The following FRMD7 variants were observed in gnomAD, a reference collection of about 807,000 sequenced individuals.
FRMD7 encodes FERM domain containing 7, also known as FERM domain-containing protein 7.
A neutral mutation model predicts 44.1 loss-of-function variants in FRMD7; 14 were observed. The observed-to-expected ratio is 0.32, with a 90% CI of 0.21 to 0.50. The LOEUF is 0.50. Ranked by LOEUF, FRMD7 falls within the 20% of genes least tolerant of loss-of-function variation. The probability of loss-of-function intolerance (pLI) is 0.99; values close to 1 mark genes in which losing one functional copy is unlikely to be tolerated. For missense variants in FRMD7, 501 were observed against 522.3 expected, an observed-to-expected ratio of 0.96 and a Z score of 0.40; for synonymous variants, 212 against 187.4, an observed-to-expected ratio of 1.13 and a Z score of -1.07.
chrX:132,103,139 G>C (rs1928549159), intron 1 of FRMD7, among the ~76,000 whole-genome samples: 1 of 111,942 alleles, frequency 8.9e-6, no homozygotes, highest in Non-Finnish European at 1.9e-5. Flanking sequence ...AAATTGGCCA[G>C]CTTTGTGGAA....
Position 132,082,397 on chromosome X carries a change from G to C in FRMD7, c.871C>G (p.Leu291Val). The part of the protein sequence containing the change: ...SEEPKSKPKT[L>V]LCSKGSSFRY... ...AAACTGGAACCCTTGCTGCAGAGTAGGGTTTTGGGCTTTGATTTGGGCTCT... is the reference window on the plus strand; with the variant it reads ...AAACTGGAACCCTTGCTGCAGAGTACGGTTTTGGGCTTTGATTTGGGCTCT... Residue 291 changes from leucine to valine, a missense_variant, in exon 9 of 12, where the codon CTA becomes GTA. Around this residue, in one of 3 missense-constraint regions of FRMD7, gnomAD observed 453 missense variants for 452.7 expected, o/e 1.00. Transcript: ENST00000298542. 8.3e-6 allele frequency: 10 copies of C among 1,210,777 alleles called. No individual in the cohort carries two copies. The highest frequency in any genetic ancestry group is 5.3e-5 in the South Asian group (3 of 56,966).
intron 1 of FRMD7, among the ~76,000 whole-genome samples, chrX:132,109,223 A>G (rs1173472360): frequency 8.9e-6 from 1 of 111,875 alleles, no homozygotes; most frequent in Non-Finnish European, 1.9e-5. Context: ...ACATTTTCAT[A>G]GGTAAGTCTC....
At position 132,100,593 on chromosome X, in the gene FRMD7, T is replaced by C; in HGVS notation, c.162+19A>G. The C allele has an allele frequency of 9.3e-7, 1 of 1,073,836 alleles. No homozygotes were observed. Among genetic ancestry groups the C allele is most frequent in the South Asian group, 1.8e-5 (1 of 54,232 alleles). 88.5% of individuals were successfully genotyped at this position (1,073,836 alleles called of 1,213,427 possible). On this transcript the variant is annotated intron_variant, in intron 2 of 11. Coordinates refer to ENST00000298542, the MANE Select transcript of FRMD7 (RefSeq NM_194277.3). The stretch of plus-strand genomic sequence containing the variant: ...AAGCAATGCTAGACACAAAGAACCC[T>C]ATAATGAAACCAACTTACATTATTT...
chrX:132,124,789 T>C (rs1473106347), intron 1 of FRMD7, among the ~76,000 whole-genome samples: 1 of 111,872 alleles, frequency 8.9e-6, no homozygotes, highest in Non-Finnish European at 1.9e-5. Flanking sequence ...ATTGGTAGCA[T>C]CCAGGCAGTA....
At chrX:132,126,748 G>T in intron 1 of FRMD7, among the ~76,000 whole-genome samples, 1 of 111,881 alleles carries the variant, frequency 8.9e-6, no homozygotes, top group East Asian at 2.8e-4. Context: ...ACCTCTAATG[G>T]AAGCTATTTG....
intron 3 of FRMD7, 114 bp from the exon 4 acceptor site, chrX:132,097,458 C>T (rs1928375258): frequency 1.3e-5 from 7 of 549,971 alleles, no homozygotes; most frequent in Admixed American, 7.0e-5. Flanking sequence ...CTCTTCCGTC[C>T]CCTCCCCATC....
At position 132,096,407 on chromosome X, in the gene FRMD7, C is replaced by T. The variant is rs185494441; in HGVS notation, c.284+859G>A. 2.4e-3 allele frequency among the ~76,000 whole-genome samples: 267 copies of T among 110,592 alleles called. 1 individual carries two copies. Among genetic ancestry groups the T allele is most frequent in the Admixed American group, 4.4e-3 (46 of 10,342 alleles). On this transcript the variant is annotated intron_variant, in intron 4 of 11. Coordinates refer to ENST00000298542, the MANE Select transcript of FRMD7 (RefSeq NM_194277.3). ...GGCTCGATTAGATTATCTCTCAGAC[C>T]TCTTTCACGTATAGGAGTCTAAATC...
chrX:132,078,145 C>T lies in FRMD7; in HGVS notation c.1872G>A (p.Thr624=), dbSNP rs1468926815. 1.2e-5 allele frequency: 14 copies of T among 1,209,698 alleles called. No homozygotes were observed. Among genetic ancestry groups the T allele is most frequent in the Admixed American group, 2.2e-5 (1 of 45,798 alleles). The change falls in exon 12 of 12, where the codon ACG becomes ACA. Residue 624 remains threonine, a synonymous_variant. Transcript: ENST00000298542. ...PALSHKADLF[T]DMFAEQELPA... is the part of the protein sequence containing the mutation. ...GCAACTCCTGCTCTGCAAACATATC[C>T]GTAAACAGGTCTGCTTTATGACTGA...
intron 1 of FRMD7, among the ~76,000 whole-genome samples, chrX:132,105,522 G>A (rs1051856083): frequency 9.0e-6 from 1 of 111,341 alleles, no homozygotes; most frequent in African/African-American, 3.3e-5. Flanking sequence ...TTAAATTCAC[G>A]TTGAACAAAA....
Position 132,082,510 on chromosome X carries a change from G to A in FRMD7, c.758C>T (p.Thr253Ile). Residue 253 changes from threonine to isoleucine, a missense_variant, in exon 9 of 12, where the codon ACC (threonine) becomes ATC (isoleucine). By Grantham distance (89) the Thr-to-Ile change is moderately conservative (BLOSUM62 -1). Coordinates refer to ENST00000298542, the MANE Select transcript of FRMD7 (RefSeq NM_194277.3). The part of the protein sequence containing the change: ...HANILVLCKD[T>I]LEFTMASRDA... ...TCGGCTGGCCATGGTGAACTCCAAG[G>A]TATCCTTGCACAACACCTGTATAAA... 1.7e-6 allele frequency: 2 copies of A among 1,209,066 alleles called. No individual in the cohort carries two copies. The highest frequency in any genetic ancestry group is 2.2e-6 in the Non-Finnish European group (2 of 893,006).
At chrX:132,095,433 T>C (rs955026306) in intron 4 of FRMD7, among the ~76,000 whole-genome samples, 3 of 111,580 alleles carry the variant, frequency 2.7e-5, no homozygotes, top group South Asian at 7.4e-4. Flanking sequence ...CTGAGTACTA[T>C]GAGCATTTCC....
At chrX:132,092,298 G>T (rs1054918412) in intron 5 of FRMD7, among the ~76,000 whole-genome samples, 3 of 111,652 alleles carry the variant, frequency 2.7e-5, no homozygotes, top group African/African-American at 9.8e-5. Context: ...GGAATGTGGA[G>T]GTTCTTGAAC....
intron 1 of FRMD7, among the ~76,000 whole-genome samples, chrX:132,101,439 C>G (rs773832461): frequency 8.9e-6 from 1 of 112,392 alleles, no homozygotes; most frequent in South Asian, 3.7e-4. Context: ...AGGGCAAGCT[C>G]CCCTATGCCT....
rs536733220 is a variant in FRMD7, at chrX:132,105,053, G to A, written c.58-4337C>T. Among the ~76,000 whole-genome samples the A allele has an allele frequency of 3.9e-4, 44 of 111,855 alleles. 1 individual carries two copies. The South Asian group carries it at 0.014, about 34-fold the overall frequency. On this transcript the variant is annotated intron_variant, in intron 1 of 11. Coordinates refer to ENST00000298542, the MANE Select transcript of FRMD7 (RefSeq NM_194277.3). ...GATATGACAGCAATAAAAGATTGAC[G>A]GAGGAAAGACATCAAAATCTGGAAA...
At chrX:132,109,314 A>C (rs190982045) in intron 1 of FRMD7, among the ~76,000 whole-genome samples, 22 of 111,885 alleles carry the variant, frequency 2.0e-4, no homozygotes, top group Admixed American at 1.1e-3. Context: ...ACACTTTAAA[A>C]GTCAACGCCT....
rs1275031525 is a variant in FRMD7 at position 132,078,972 on chromosome X, GA to G, written c.1051-7del. ...GCTAGTCTCAAATCTTCCACCTTGA[GA>G]GAATGGACACATTGGTGAAAGAAGG... On this transcript the variant is annotated splice_polypyrimidine_tract_variant and splice_region_variant and intron_variant, in intron 11 of 11. Transcript: ENST00000298542. 3 of 1,201,980 alleles carry G rather than the reference GA, an allele frequency of 2.5e-6. No individual in the cohort carries two copies. In the Admixed American group the frequency reaches 6.6e-5, roughly 26 times the overall value.
At chrX:132,107,512 C>A (rs1488582754) in intron 1 of FRMD7, among the ~76,000 whole-genome samples, 1 of 109,332 alleles carries the variant, frequency 9.1e-6, no homozygotes, top group Admixed American at 9.8e-5. Flanking sequence ...AGGCTGGAGA[C>A]CTGGGATGAG....
At chrX:132,102,244 T>C (rs945321964) in intron 1 of FRMD7, among the ~76,000 whole-genome samples, 2 of 111,427 alleles carry the variant, frequency 1.8e-5, no homozygotes, top group Admixed American at 1.9e-4. Context: ...TCTACTTGGT[T>C]TTACTGCCCA....
At chrX:132,122,012 C>T (rs754592192) in intron 1 of FRMD7, among the ~76,000 whole-genome samples, 6 of 111,473 alleles carry the variant, frequency 5.4e-5, no homozygotes, top group East Asian at 2.8e-4. Context: ...CTACAGGAAG[C>T]GCAGAAATGG....
Sources: gnomAD v4.1 joint callset for allele counts (sites outside exome capture counted in the v4.1 genomes callset) on GRCh38, gnomAD v4.1.1 for gene constraint, gnomAD v4.1.1 regional missense constraint, MANE v1.5 for transcripts, NCBI Gene and HGNC (gene_info 2026-07-23, HGNC 2026-07-21) for gene names.